Variants in ITGA9 observed in about 807,000 individuals in gnomAD.
ITGA9 encodes the protein integrin alpha-9.
In ITGA9, 56 loss-of-function variants were observed where a neutral mutation model predicts 127.8. The observed-to-expected ratio is 0.44, with a 90% CI of 0.35 to 0.55. ITGA9 has a LOEUF of 0.55. Ranked by LOEUF, ITGA9 falls within the 20% of genes least tolerant of loss-of-function variation. The pLI is 0.00. For missense variants in ITGA9, 1,196 were observed against 1,347.1 expected, an observed-to-expected ratio of 0.89 and a Z score of 1.76; for synonymous variants, 508 against 514.5, an observed-to-expected ratio of 0.99 and a Z score of 0.17.
At chr3:37,647,054 AG>A (rs1272592543) in intron 16 of ITGA9, among the ~76,000 whole-genome samples, 8 of 152,228 alleles carry the variant, frequency 5.3e-5, no homozygotes, top group Non-Finnish European at 7.4e-5. Flanking sequence ...ACTAGAACAC[AG>A]GCACTGAGTT....
chr3:37,478,540 T>C (rs1698518014), intron 3 of ITGA9, among the ~76,000 whole-genome samples: 1 of 152,240 alleles, frequency 6.6e-6, no homozygotes, highest in Non-Finnish European at 1.5e-5. Flanking sequence ...TTATGATTAG[T>C]TGAAATCTGA....
intron 3 of ITGA9, among the ~76,000 whole-genome samples, chr3:37,480,393 C>T (rs757281442): frequency 3.3e-5 from 5 of 152,188 alleles, no homozygotes; most frequent in African/African-American, 7.2e-5. Context: ...CCATCTTCTT[C>T]GCCAGTATGC....
chr3:37,707,854 G>T (rs896963244), intron 18 of ITGA9, among the ~76,000 whole-genome samples: 1 of 152,154 alleles, frequency 6.6e-6, no homozygotes, highest in African/African-American at 2.4e-5. Context: ...GGACAGGCAA[G>T]GGCTGCCCTG....
chr3:37,693,289 G>T (rs1260361216), intron 18 of ITGA9, among the ~76,000 whole-genome samples: 1 of 152,152 alleles, frequency 6.6e-6, no homozygotes, highest in Non-Finnish European at 1.5e-5. Flanking sequence ...GATGATGTTC[G>T]AAGGGAAGCT....
At chr3:37,562,995 T>C (rs957757831) in intron 15 of ITGA9, among the ~76,000 whole-genome samples, 1 of 140,698 alleles carries the variant, frequency 7.1e-6, no homozygotes, top group African/African-American at 2.5e-5. Flanking sequence ...AGGAACTATT[T>C]CATTTGTCTC....
chr3:37,552,184 T>C (rs890439557), intron 15 of ITGA9, among the ~76,000 whole-genome samples: 1 of 150,244 alleles, frequency 6.7e-6, no homozygotes, highest in Non-Finnish European at 1.5e-5. Flanking sequence ...AATTCCTGTT[T>C]TGAGGAAAGA....
rs1448699638 is a variant in ITGA9 at position 37,777,483 on chromosome 3, T to G, written c.2633T>G (p.Phe878Cys). 1 of 1,614,176 alleles carries G rather than the reference T, an allele frequency of 6.2e-7. No individual in the cohort carries two copies. Among genetic ancestry groups the G allele is most frequent in the Non-Finnish European group, 8.5e-7 (1 of 1,180,010 alleles). Residue 878 changes from phenylalanine (F) to cysteine (C), a missense_variant, in exon 24 of 28, where the codon TTT becomes TGT. Transcript: ENST00000264741. ...CAAGAAAATATCTTCCACACAATAT[T>G]TGCTTTTTTCACAAAGTCTGGAAGA... Reference protein sequence around the residue: ...QEQENIFHTIFAFFTKSGRKV... With the variant: ...QEQENIFHTICAFFTKSGRKV...
intron 5 of ITGA9, among the ~76,000 whole-genome samples, chr3:37,499,406 T>G (rs267515): frequency 0.58 from 88,321 of 152,096 alleles, 26,018 homozygotes; most frequent in East Asian, 0.83. Context: ...TTCCTCTAGG[T>G]GTTCTGCTAA....
chr3:37,719,683 C>T (rs922522533), intron 18 of ITGA9, among the ~76,000 whole-genome samples: 16 of 152,192 alleles, frequency 1.1e-4, no homozygotes, highest in Admixed American at 3.9e-4. Context: ...GGATAGTTAA[C>T]GTCCCCAGTA....
At chr3:37,657,712 A>G (rs945427570) in intron 17 of ITGA9, among the ~76,000 whole-genome samples, 6 of 147,160 alleles carry the variant, frequency 4.1e-5, no homozygotes, top group Non-Finnish European at 9.0e-5. Context: ...TTCTGATCTT[A>G]ATTATTTCTT....
chr3:37,750,484 C>T lies in ITGA9; in HGVS notation c.2456C>T (p.Thr819Ile), dbSNP rs769452415. 13 of 1,613,196 alleles carry T rather than the reference C, an allele frequency of 8.1e-6. No individual in the cohort carries two copies. In the Admixed American group the frequency reaches 2.2e-4, roughly 27 times the overall value. ...TLQVYNTGPSTLPGSSVSISF... is the reference protein window; with the variant it reads ...TLQVYNTGPSILPGSSVSISF... ...CAGGTCTACAACACTGGCCCAAGCA[C>T]CCTTCCAGGGTCATCTGTCAGCATC... The change falls in exon 23 of 28, where the codon ACC becomes ATC. Residue 819 changes from threonine (T) to isoleucine (I), a missense_variant. By Grantham distance (89) the Thr-to-Ile change is moderately conservative. Transcript: ENST00000264741.
intron 18 of ITGA9, among the ~76,000 whole-genome samples, chr3:37,716,248 T>A (rs747660077): frequency 6.6e-6 from 1 of 152,078 alleles, no homozygotes; most frequent in African/African-American, 2.4e-5. Context: ...TGTGCATGGT[T>A]GTGCATGGTA....
intron 27 of ITGA9, among the ~76,000 whole-genome samples, chr3:37,809,095 T>C (rs1697335080): frequency 1.3e-5 from 2 of 151,232 alleles, no homozygotes; most frequent in African/African-American, 4.9e-5. Context: ...TTTCTTTTTT[T>C]TTTTTTTTTT....
At chr3:37,634,251 A>G (rs1559554477) in intron 16 of ITGA9, among the ~76,000 whole-genome samples, 1 of 152,068 alleles carries the variant, frequency 6.6e-6, no homozygotes, top group East Asian at 1.9e-4. Context: ...CTTATCAATA[A>G]TTATCTTAAA....
At chr3:37,601,363 TGCAAAGAACACAGAG>T (rs1304782274) in intron 15 of ITGA9, among the ~76,000 whole-genome samples, 2 of 152,180 alleles carry the variant, frequency 1.3e-5, no homozygotes, top group Non-Finnish European at 2.9e-5. Context: ...CTCCTTCAGC[TGCAAAGAACACAGAG>T]GTCAGGAGGA....
chr3:37,792,415 T>C (rs1178023662), intron 26 of ITGA9, among the ~76,000 whole-genome samples: 4 of 152,194 alleles, frequency 2.6e-5, no homozygotes, highest in South Asian at 2.1e-4. Context: ...CTGCTTTAGA[T>C]TGGGGGTCGA....
At chr3:37,589,772 G>A (rs1003499657) in intron 15 of ITGA9, among the ~76,000 whole-genome samples, 15 of 152,226 alleles carry the variant, frequency 9.9e-5, no homozygotes, top group African/African-American at 3.6e-4. Context: ...GAATGAGGGT[G>A]TAGGTATTAA....
chr3:37,511,810 G>A (rs1025315434), intron 8 of ITGA9, among the ~76,000 whole-genome samples: 3 of 152,120 alleles, frequency 2.0e-5, no homozygotes, highest in African/African-American at 7.2e-5. Context: ...TTAGCTGCAG[G>A]AAATAGATTG....
At position 37,520,450 on chromosome 3, in the gene ITGA9, A is replaced by G. The variant is rs77315639; in HGVS notation, c.1236+1096A>G. 6.8e-4 allele frequency among the ~76,000 whole-genome samples: 104 copies of G among 152,316 alleles called. 1 individual carries two copies. The East Asian group carries it at 0.019, about 28-fold the overall frequency. ...GTTATTTAACTTGCCCAAGGTCATA[A>G]GTGGCAGTATGGCCACAGAATCTTT... is the stretch of plus-strand genomic sequence containing the variant. On this transcript the variant is annotated intron_variant, in intron 11 of 27. Coordinates refer to ENST00000264741, the MANE Select transcript of ITGA9 (RefSeq NM_002207.3).
Sources: allele counts gnomAD v4.1 joint callset (sites outside exome capture counted in the v4.1 genomes callset), GRCh38; gene constraint gnomAD v4.1.1; transcripts MANE v1.5; gene names NCBI Gene and HGNC (gene_info 2026-07-23, HGNC 2026-07-21).